PRKN: variants seen among roughly 807,000 people sequenced by gnomAD.
The protein encoded by PRKN is parkin RBR E3 ubiquitin protein ligase.
In PRKN, 56 loss-of-function variants were observed where a neutral mutation model predicts 59.5. That is an observed-to-expected ratio of 0.94 (90% CI 0.76 to 1.18). PRKN has a LOEUF of 1.18. Ranked by LOEUF, PRKN falls within the 50% of genes most tolerant of loss-of-function variation. PRKN has a pLI of 0.00. For synonymous variants in PRKN, 250 were observed against 222.1 expected, an observed-to-expected ratio of 1.13 and a Z score of -1.12; for missense variants, 657 against 596.4, an observed-to-expected ratio of 1.10 and a Z score of -1.06.
intron 9 of PRKN, among the ~76,000 whole-genome samples, chr6:161,427,375 T>G (rs186418002): frequency 6.6e-6 from 1 of 152,216 alleles, no homozygotes; most frequent in Admixed American, 6.5e-5. Flanking sequence ...ACTATTATCA[T>G]CCACATTTTT....
chr6:162,196,914 C>T (rs948008817), intron 4 of PRKN, among the ~76,000 whole-genome samples: 2 of 152,050 alleles, frequency 1.3e-5, no homozygotes, highest in Non-Finnish European at 2.9e-5. Flanking sequence ...ACCATTTAGA[C>T]TCATGATATG....
chr6:162,434,372 C>CT (rs1417951956), intron 2 of PRKN, among the ~76,000 whole-genome samples: 3 of 152,180 alleles, frequency 2.0e-5, no homozygotes, highest in Admixed American at 6.5e-5. Flanking sequence ...AAAGAAAGAT[C>CT]TTTCAGCCCA....
At chr6:162,006,929 C>T (rs1782279184) in intron 5 of PRKN, among the ~76,000 whole-genome samples, 1 of 110,452 alleles carries the variant, frequency 9.1e-6, no homozygotes, top group African/African-American at 3.4e-5. Context: ...TACTCTAGAA[C>T]TTAGAAGAGC....
At position 162,380,789 on chromosome 6, in the gene PRKN, C is replaced by T. The variant is rs77799347; in HGVS notation, c.171+62521G>A. On this transcript the variant is annotated intron_variant, in intron 2 of 11. Transcript: ENST00000366898. ...TTTTCAAATTGTCAATTTCAACTGG[C>T]GCTCAGTGAATGGGAGGTGTTGGAA... Among the ~76,000 whole-genome samples the T allele has an allele frequency of 7.7e-4, 117 of 151,852 alleles. No individual in the cohort carries two copies. In the East Asian group the frequency reaches 0.022, roughly 28 times the overall value.
At chr6:161,858,273 C>G (rs1323706061) in intron 6 of PRKN, among the ~76,000 whole-genome samples, 1 of 152,154 alleles carries the variant, frequency 6.6e-6, no homozygotes, top group Non-Finnish European at 1.5e-5. Context: ...ATATGTGAAG[C>G]AAAAACTGTT....
intron 8 of PRKN, 97 bp downstream of exon 8, chr6:161,569,252 CCAGGGT>C (rs1780775630): frequency 6.0e-6 from 6 of 1,006,352 alleles, no homozygotes; most frequent in Non-Finnish European, 9.5e-6. Flanking sequence ...TTCAGGGCAC[CCAGGGT>C]CAGGAGACAT....
At chr6:161,672,669 G>A (rs188750908) in intron 7 of PRKN, among the ~76,000 whole-genome samples, 4 of 152,234 alleles carry the variant, frequency 2.6e-5, no homozygotes, top group Admixed American at 2.6e-4. Context: ...CCAGCTATTT[G>A]GGAAGGTGAG....
At chr6:161,751,128 T>A (rs1788675182) in intron 7 of PRKN, among the ~76,000 whole-genome samples, 1 of 152,192 alleles carries the variant, frequency 6.6e-6, no homozygotes, top group Non-Finnish European at 1.5e-5. Flanking sequence ...GTAGAACCAA[T>A]TAACAAACAA....
At chr6:161,732,482 T>TG (rs200768519) in intron 7 of PRKN, among the ~76,000 whole-genome samples, 3,922 of 135,552 alleles carry the variant, frequency 0.029, 178 homozygotes, top group African/African-American at 0.14. Flanking sequence ...AGGTTTTTTT[T>TG]TTTTGTGTGT....
intron 11 of PRKN, among the ~76,000 whole-genome samples, chr6:161,358,957 G>A (rs1330439086): frequency 1.3e-5 from 2 of 151,836 alleles, no homozygotes; most frequent in African/African-American, 4.8e-5. Flanking sequence ...ACCACACCCG[G>A]CTAATTTTTT....
In PRKN at chr6:162,415,983, G is replaced by T. The variant is rs141473333; in HGVS notation, c.171+27327C>A. Among the ~76,000 whole-genome samples the T allele has an allele frequency of 3.5e-3, 532 of 152,254 alleles. 3 individuals are homozygous for T. The highest frequency in any genetic ancestry group is 0.012 in the African/African-American group (509 of 41,540). On this transcript the variant is annotated intron_variant, in intron 2 of 11. Transcript: ENST00000366898. ...AAAACGCTGAATTCTGTTGTTTAGT[G>T]CACTGAATTTTAATCATTTAAAAAT...
At chr6:161,482,684 A>G (rs1791462787) in intron 9 of PRKN, among the ~76,000 whole-genome samples, 2 of 152,212 alleles carry the variant, frequency 1.3e-5, no homozygotes, top group African/African-American at 4.8e-5. Flanking sequence ...CTTTCAGAGC[A>G]TTCAACTGAG....
chr6:162,217,840 T>C (rs1157780666), intron 3 of PRKN, among the ~76,000 whole-genome samples: 1 of 152,184 alleles, frequency 6.6e-6, no homozygotes, highest in Non-Finnish European at 1.5e-5. Context: ...TCTCAATAAG[T>C]AAGCAATATT....
At chr6:162,024,503 T>A (rs1562467991) in intron 5 of PRKN, among the ~76,000 whole-genome samples, 1 of 152,236 alleles carries the variant, frequency 6.6e-6, no homozygotes. Flanking sequence ...AGCCCACTTA[T>A]TTCTATTTTA....
intron 5 of PRKN, among the ~76,000 whole-genome samples, chr6:162,049,845 C>T (rs534670104): frequency 1.3e-5 from 2 of 152,256 alleles, no homozygotes; most frequent in Admixed American, 6.5e-5. Flanking sequence ...CTCCTGATGT[C>T]GTGGGCTCAC....
At chr6:162,086,777 T>A (rs532238502) in intron 4 of PRKN, among the ~76,000 whole-genome samples, 2 of 152,226 alleles carry the variant, frequency 1.3e-5, no homozygotes, top group African/African-American at 2.4e-5. Flanking sequence ...ACATCACTGA[T>A]GCATTAATTA....
At chr6:162,000,151 G>C (rs759289218) in intron 5 of PRKN, among the ~76,000 whole-genome samples, 52 of 152,108 alleles carry the variant, frequency 3.4e-4, no homozygotes, top group Non-Finnish European at 6.3e-4. Flanking sequence ...ATTCATTTGG[G>C]TAAACAGCAA....
intron 6 of PRKN, among the ~76,000 whole-genome samples, chr6:161,897,328 C>T (rs1156400047): frequency 6.6e-6 from 1 of 152,108 alleles, no homozygotes; most frequent in Non-Finnish European, 1.5e-5. Context: ...TCCTATCATC[C>T]CTCTCATTCA....
intron 9 of PRKN, among the ~76,000 whole-genome samples, chr6:161,455,909 A>G (rs985488948): frequency 6.6e-6 from 1 of 152,014 alleles, no homozygotes; most frequent in Non-Finnish European, 1.5e-5. Flanking sequence ...ATACATATAC[A>G]CATACTTTAA....
Sources: gnomAD v4.1 joint callset for allele counts (sites outside exome capture counted in the v4.1 genomes callset) on GRCh38, gnomAD v4.1.1 for gene constraint, MANE v1.5 for transcripts, NCBI Gene and HGNC (gene_info 2026-07-23, HGNC 2026-07-21) for gene names.